Variants in PARD3 observed in about 807,000 individuals in gnomAD.
The protein encoded by PARD3 is par-3 family cell polarity regulator, also known as partitioning defective 3 homolog.
Under a neutral mutation model 155.4 loss-of-function variants are expected in PARD3, and 75 were observed. The observed-to-expected ratio is 0.48, with a 90% CI of 0.40 to 0.58. PARD3 has a LOEUF of 0.58. PARD3 is among the 20% of genes least tolerant of loss of function. PARD3 has a pLI of 0.00. For synonymous variants in PARD3, 576 were observed against 610.5 expected (o/e 0.94, Z 0.83); for missense variants, 1,642 against 1,721.7 (o/e 0.95, Z 0.82).
chr10:34,269,928 G>A, intron 21 of PARD3, 29 bp from the exon 22 acceptor site: 1 of 1,603,570 alleles, frequency 6.2e-7, no homozygotes, highest in Non-Finnish European at 8.5e-7. Context: ...GTTGAAATAA[G>A]AGAAACCTTT....
intron 1 of PARD3, among the ~76,000 whole-genome samples, chr10:34,726,271 G>A (rs1429697408): frequency 1.3e-5 from 2 of 152,150 alleles, no homozygotes; most frequent in Non-Finnish European, 2.9e-5. Flanking sequence ...TCAACATGAT[G>A]AAACTGTGTC....
At chr10:34,331,664 AT>A (rs1228795919) in intron 18 of PARD3, among the ~76,000 whole-genome samples, 2 of 152,246 alleles carry the variant, frequency 1.3e-5, no homozygotes, top group Non-Finnish European at 2.9e-5. Context: ...AAGAACCAGA[AT>A]AACCTGGAAG....
intron 1 of PARD3, among the ~76,000 whole-genome samples, chr10:34,737,111 CGGGTGAAGGGGAGAAAGG>C (rs1187980529): frequency 6.6e-6 from 1 of 152,102 alleles, no homozygotes; most frequent in Non-Finnish European, 1.5e-5. Flanking sequence ...AATGAGAAAG[CGGGTGAAGGGGAGAAAGG>C]GGGACGGAGA....
At chr10:34,370,292 C>G (rs926661620) in intron 12 of PARD3, among the ~76,000 whole-genome samples, 8 of 152,130 alleles carry the variant, frequency 5.3e-5, no homozygotes, top group Admixed American at 3.9e-4. Flanking sequence ...TGTCATGCTA[C>G]CATAAACACA....
intron 2 of PARD3, among the ~76,000 whole-genome samples, chr10:34,587,209 C>T (rs1367570986): frequency 6.6e-6 from 1 of 152,066 alleles, no homozygotes; most frequent in African/African-American, 2.4e-5. Flanking sequence ...CTACAACCTC[C>T]ACCTCCCGAG....
At chr10:34,577,005 A>G (rs1413901275) in intron 2 of PARD3, among the ~76,000 whole-genome samples, 1 of 152,174 alleles carries the variant, frequency 6.6e-6, no homozygotes, top group Non-Finnish European at 1.5e-5. Context: ...GAGTGTGGCT[A>G]AGTGTTTCTA....
At chr10:34,393,675 G>C (rs1843052065) in intron 7 of PARD3, among the ~76,000 whole-genome samples, 2 of 152,006 alleles carry the variant, frequency 1.3e-5, no homozygotes, top group African/African-American at 2.4e-5. Flanking sequence ...AGGATCACTT[G>C]AGGCCAAGAG....
rs1222377252 is a variant in PARD3 at position 34,349,646 on chromosome 10, G to C, written c.2068-1531C>G. 1.8e-5 allele frequency among the ~76,000 whole-genome samples: 2 copies of C among 110,576 alleles called. 1 individual carries two copies. Among genetic ancestry groups the C allele is most frequent in the Admixed American group, 1.8e-4 (2 of 11,044 alleles). The allele number at this position is 110,576 out of a possible 152,430, so 72.5% of individuals were successfully genotyped here. On this transcript the variant is annotated intron_variant, in intron 14 of 24. Coordinates refer to ENST00000374788, the MANE Select transcript of PARD3 (RefSeq NM_001184785.2). ...GAATACTCTATACCATTAAGAACAA[G>C]TATGGTTTTTAAATTAACACACACA... is the stretch of plus-strand genomic sequence containing the variant.
intron 22 of PARD3, among the ~76,000 whole-genome samples, chr10:34,230,106 C>T (rs1952842327): frequency 1.3e-5 from 2 of 152,120 alleles, no homozygotes; most frequent in South Asian, 4.1e-4. Flanking sequence ...TCTGGGGAGG[C>T]CCTGAGCTGA....
At chr10:34,283,578 C>T (rs1342794708) in intron 21 of PARD3, among the ~76,000 whole-genome samples, 3 of 151,906 alleles carry the variant, frequency 2.0e-5, no homozygotes, top group Non-Finnish European at 2.9e-5. Context: ...ACAATCTATC[C>T]GGAAGACATG....
At chr10:34,150,229 CAA>C (rs1948713735) in intron 22 of PARD3, among the ~76,000 whole-genome samples, 1 of 152,152 alleles carries the variant, frequency 6.6e-6, no homozygotes. Context: ...CATAAACACT[CAA>C]TACGATGAAG....
chr10:34,701,639 A>G (rs1478314579), intron 1 of PARD3, among the ~76,000 whole-genome samples: 1 of 151,944 alleles, frequency 6.6e-6, no homozygotes, highest in Non-Finnish European at 1.5e-5. Context: ...TTATGCCTAT[A>G]CTCCCAGTGC....
intron 20 of PARD3, among the ~76,000 whole-genome samples, chr10:34,308,106 T>C (rs73256744): frequency 0.04 from 6,045 of 152,088 alleles, 332 homozygotes; most frequent in African/African-American, 0.12. Flanking sequence ...GTGGACCCGG[T>C]AGGTTCAGGG....
chr10:34,494,515 A>G (rs557620515), intron 3 of PARD3, among the ~76,000 whole-genome samples: 1 of 152,350 alleles, frequency 6.6e-6, no homozygotes, highest in South Asian at 2.1e-4. Context: ...GAATGGATCA[A>G]AAGACTGCCC....
intron 14 of PARD3, 128 bp downstream of exon 14, chr10:34,359,019 C>A (rs1839183312): frequency 4.7e-6 from 3 of 639,848 alleles, no homozygotes; most frequent in Admixed American, 2.9e-5. Flanking sequence ...AATAAAACTA[C>A]AATAAGCAAA....
intron 22 of PARD3, among the ~76,000 whole-genome samples, chr10:34,245,427 G>A (rs575890283): frequency 7.3e-5 from 11 of 151,566 alleles, no homozygotes; most frequent in Admixed American, 2.0e-4. Context: ...TGATTCTGCC[G>A]TCGTTCTTTG....
chr10:34,702,194 AT>A (rs2094292114), intron 1 of PARD3, among the ~76,000 whole-genome samples: 1 of 145,722 alleles, frequency 6.9e-6, no homozygotes, highest in Admixed American at 6.7e-5. Context: ...CAATTTTAAT[AT>A]TAAAAAAAAA....
chr10:34,778,114 A>G (rs1333798595), intron 1 of PARD3, among the ~76,000 whole-genome samples: 1 of 152,230 alleles, frequency 6.6e-6, no homozygotes, highest in Non-Finnish European at 1.5e-5. Context: ...GAAATGGCGC[A>G]GCATTTGCAT....
At position 34,470,161 on chromosome 10, in the gene PARD3, T is replaced by A. The variant is rs1175938146; in HGVS notation, c.506A>T (p.Asn169Ile). 3 of 1,612,950 alleles carry A rather than the reference T, an allele frequency of 1.9e-6. No homozygotes were observed. In the Admixed American group the frequency reaches 5.0e-5, roughly 27 times the overall value. The change falls in exon 4 of 25, where the codon AAT becomes ATT. Residue 169 changes from asparagine (N) to isoleucine (I), a missense_variant. By Grantham distance (149) the Asn-to-Ile change is moderately radical (BLOSUM62 -3). Around this residue, in one of 3 missense-constraint regions of PARD3, gnomAD observed 1,529 missense variants for 1,587.3 expected, o/e 0.96. Transcript: ENST00000374788. ...AGCTGTTGTTGACCAGCGTGTGGGA[T>A]TTTTCCTTGAAGGCTCTTCAGAGGA... ...NFSSEEPSRK[N>I]PTRWSTTAGF...
Sources: gnomAD v4.1 joint callset for allele counts (sites outside exome capture counted in the v4.1 genomes callset) on GRCh38, gnomAD v4.1.1 for gene constraint, gnomAD v4.1.1 regional missense constraint, MANE v1.5 for transcripts, NCBI Gene and HGNC (gene_info 2026-07-23, HGNC 2026-07-21) for gene names.